MPDZ: variants seen among roughly 807,000 people sequenced by gnomAD.
The protein encoded by MPDZ is multiple PDZ domain protein.
MPDZ carries 234 observed loss-of-function variants against 239.1 expected under a neutral mutation model. The observed-to-expected ratio is 0.98, with a 90% confidence interval of 0.88 to 1.09. The LOEUF (loss-of-function observed/expected upper bound fraction) is 1.09. Ranked by LOEUF, MPDZ falls within the 50% of genes least tolerant of loss-of-function variation. The pLI, the probability that MPDZ is intolerant of heterozygous loss-of-function variation, is 0.00. For missense variants in MPDZ, 3,175 were observed against 2,510.0 expected (o/e 1.26, Z -5.66); for synonymous variants, 1,048 against 881.3 (o/e 1.19, Z -3.35).
intron 10 of MPDZ, among the ~76,000 whole-genome samples, chr9:13,211,477 C>T (rs2135913421): frequency 6.6e-6 from 1 of 152,130 alleles, no homozygotes; most frequent in East Asian, 1.9e-4. Flanking sequence ...CAAAACACTC[C>T]AGCCAAATGA....
chr9:13,130,844 G>C (rs755376061), intron 32 of MPDZ, among the ~76,000 whole-genome samples: 6 of 152,138 alleles, frequency 3.9e-5, no homozygotes, highest in Non-Finnish European at 8.8e-5. Context: ...AGGATTCCTA[G>C]AAGGAACATA....
intron 12 of MPDZ, among the ~76,000 whole-genome samples, chr9:13,204,705 T>C (rs1239380374): frequency 6.6e-6 from 1 of 152,154 alleles, no homozygotes; most frequent in Non-Finnish European, 1.5e-5. Context: ...GTTGGCTGTA[T>C]AGAAACAAAG....
chr9:13,162,370 C>T (rs1950589875), intron 23 of MPDZ, among the ~76,000 whole-genome samples: 2 of 151,700 alleles, frequency 1.3e-5, no homozygotes, highest in South Asian at 2.1e-4. Context: ...AAAAATCATA[C>T]AATTTCTTAC....
chr9:13,135,867 C>A, intron 31 of MPDZ: 1 of 360,338 alleles, frequency 2.8e-6, no homozygotes, highest in Non-Finnish European at 4.9e-6. Flanking sequence ...TAACTCTTTT[C>A]CTACCCTCAC....
chr9:13,253,759 G>A (rs376042150), intron 1 of MPDZ, among the ~76,000 whole-genome samples: 1 of 152,216 alleles, frequency 6.6e-6, no homozygotes, highest in East Asian at 1.9e-4. Context: ...CAGAGAGGCA[G>A]AAAAGAGATG....
rs117176388 is a variant in MPDZ, at chr9:13,179,701, C to T, written c.2650-3284G>A. On this transcript the variant is annotated intron_variant, in intron 19 of 46. Transcript: ENST00000319217. ...AAGTCTATATTAATATGTGACTTCACTTGATATATTCTTGTCCTCAGTAAA... is the reference window on the plus strand; with the variant it reads ...AAGTCTATATTAATATGTGACTTCATTTGATATATTCTTGTCCTCAGTAAA... 1.1e-4 allele frequency among the ~76,000 whole-genome samples: 17 copies of T among 152,166 alleles called. No individual in the cohort carries two copies. In the East Asian group the frequency reaches 3.1e-3, roughly 28 times the overall value.
intron 3 of MPDZ, among the ~76,000 whole-genome samples, chr9:13,232,894 C>A (rs1018032125): frequency 6.7e-6 from 1 of 148,804 alleles, no homozygotes; most frequent in African/African-American, 2.5e-5. Context: ...CAGGAACTTC[C>A]CAAAAGAAGA....
intron 26 of MPDZ, among the ~76,000 whole-genome samples, chr9:13,145,616 T>C (rs1412864609): frequency 1.3e-5 from 2 of 151,986 alleles, no homozygotes; most frequent in Non-Finnish European, 2.9e-5. Context: ...ACAAAACATA[T>C]CTCATTTTAA....
intron 10 of MPDZ, among the ~76,000 whole-genome samples, chr9:13,210,428 T>A (rs1036565800): frequency 6.6e-6 from 1 of 151,892 alleles, no homozygotes. Flanking sequence ...GGAAGTTTTT[T>A]TTTTTTTTTA....
chr9:13,261,214 T>C (rs1970604667), intron 1 of MPDZ, among the ~76,000 whole-genome samples: 1 of 152,034 alleles, frequency 6.6e-6, no homozygotes, highest in Admixed American at 6.6e-5. Context: ...AACAAGTCAG[T>C]TGATAGAGAC....
At chr9:13,111,941 G>C (rs905482295) in intron 43 of MPDZ, 83 bp downstream of exon 43, 10 of 1,446,586 alleles carry the variant, frequency 6.9e-6, no homozygotes, top group African/African-American at 1.4e-5. Flanking sequence ...AAACTGCCTT[G>C]CAACAGGTAG....
intron 20 of MPDZ, 33 bp downstream of exon 20, chr9:13,176,103 C>T (rs1387448301): frequency 6.5e-7 from 1 of 1,527,558 alleles, no homozygotes; most frequent in African/African-American, 1.4e-5. Flanking sequence ...CCTATCTCAT[C>T]ATAAAACACA....
chr9:13,123,805 G>A (rs760577200), intron 35 of MPDZ, among the ~76,000 whole-genome samples: 3 of 152,018 alleles, frequency 2.0e-5, no homozygotes, highest in Non-Finnish European at 4.4e-5. Flanking sequence ...TTACATTTTT[G>A]TTTTCTTCTT....
intron 19 of MPDZ, among the ~76,000 whole-genome samples, chr9:13,181,981 C>T (rs545394876): frequency 1.6e-4 from 24 of 152,168 alleles, no homozygotes; most frequent in African/African-American, 5.1e-4. Flanking sequence ...AGCTGCTCCA[C>T]TCAAGATTAT....
Position 13,113,886 on chromosome 9 carries a change from G to T in MPDZ, c.5557+45C>A, listed in dbSNP as rs183772821. 1.5e-4 allele frequency: 224 copies of T among 1,449,216 alleles called. 1 individual carries two copies. The African/African-American group carries it at 2.8e-3, about 18-fold the overall frequency. 89.8% of individuals were successfully genotyped at this position (1,449,216 alleles called of 1,614,324 possible). A position where few individuals can be genotyped will look rare whatever the true frequency, so the allele number is the denominator to read the frequency against. On this transcript the variant is annotated intron_variant, in intron 41 of 46. Coordinates refer to ENST00000319217, the MANE Select transcript of MPDZ (RefSeq NM_001378778.1). ...TAAACAAGACAAAAAAATCAGTGTT[G>T]ACAGCCAAATTCAAACCATGTTTAA...
At chr9:13,264,916 G>T (rs1402214555) in intron 1 of MPDZ, among the ~76,000 whole-genome samples, 1 of 152,292 alleles carries the variant, frequency 6.6e-6, no homozygotes, top group Non-Finnish European at 1.5e-5. Context: ...GCAGGTTGTT[G>T]GGCAGATTGC....
At chr9:13,131,914 C>G (rs1223918775) in intron 32 of MPDZ, among the ~76,000 whole-genome samples, 1 of 152,172 alleles carries the variant, frequency 6.6e-6, no homozygotes, top group East Asian at 1.9e-4. Flanking sequence ...TTAAGTGACT[C>G]CAAAGCCCAC....
At position 13,131,887 on chromosome 9, in the gene MPDZ, C is replaced by T. The variant is rs114143482; in HGVS notation, c.4464+1937G>A. ...TGCTCACCATGGAACAAATGGCTTG[C>T]CTATTGCCCAGAGAAGTTAAGTGAC... is the stretch of plus-strand genomic sequence containing the variant. On this transcript the variant is annotated intron_variant, in intron 32 of 46. Coordinates refer to ENST00000319217, the MANE Select transcript of MPDZ (RefSeq NM_001378778.1). Among the ~76,000 whole-genome samples, 1,159 of 152,250 alleles carry T rather than the reference C, an allele frequency of 7.6e-3. 16 individuals are homozygous for T. The highest frequency in any genetic ancestry group is 0.027 in the African/African-American group (1,102 of 41,552).
intron 5 of MPDZ, among the ~76,000 whole-genome samples, 188 bp downstream of exon 5, chr9:13,223,383 A>G (rs1468789489): frequency 6.6e-6 from 1 of 152,074 alleles, no homozygotes; most frequent in Non-Finnish European, 1.5e-5. Context: ...TATATCTAAA[A>G]GCTACTCTCA....
Sources: gnomAD v4.1 joint callset for allele counts (sites outside exome capture counted in the v4.1 genomes callset) on GRCh38, gnomAD v4.1.1 for gene constraint, MANE v1.5 for transcripts, NCBI Gene and HGNC (gene_info 2026-07-23, HGNC 2026-07-21) for gene names.